The following MGST1 variants were observed in gnomAD, a reference collection of about 807,000 sequenced individuals.
MGST1 encodes microsomal glutathione S-transferase 1, also known as glutathione S-transferase 12.
Under a neutral mutation model 8.9 loss-of-function variants are expected in MGST1, and 5 were observed. The observed-to-expected ratio is 0.56, with a 90% CI of 0.29 to 1.19. The LOEUF (loss-of-function observed/expected upper bound fraction) is 1.19. Among genes scored for constraint, MGST1 ranks in the 50% most tolerant of loss-of-function variants. The pLI is 0.08. For missense variants in MGST1, 182 were observed against 187.4 expected, an observed-to-expected ratio of 0.97 and a Z score of 0.17; for synonymous variants, 54 against 67.8, an observed-to-expected ratio of 0.80 and a Z score of 1.00.
At chr12:16,376,354 C>A in exon 4 of MGST1, 3 of 404,760 alleles carry the variant, frequency 7.4e-6, no homozygotes, top group Non-Finnish European at 8.8e-6. Flanking sequence ...CGGGAAGTAC[C>A]CAATACCATC....
At chr12:16,553,867 G>GAA (rs75193044) in intron 4 of MGST1, among the ~76,000 whole-genome samples, 3 of 132,690 alleles carry the variant, frequency 2.3e-5, no homozygotes, top group African/African-American at 8.3e-5. Context: ...GCATTTGCAG[G>GAA]AAAAAAAAAA....
intron 1 of MGST1, among the ~76,000 whole-genome samples, chr12:16,398,436 G>A (rs1457399898): frequency 6.6e-6 from 1 of 152,154 alleles, no homozygotes; most frequent in Non-Finnish European, 1.5e-5. Context: ...ACTCCTCAGG[G>A]TATTCTAGGC....
At chr12:16,470,749 T>G (rs1468625668) in intron 4 of MGST1, among the ~76,000 whole-genome samples, 1 of 152,156 alleles carries the variant, frequency 6.6e-6, no homozygotes, top group Non-Finnish European at 1.5e-5. Flanking sequence ...TTGTGACATT[T>G]TAAAAAATTA....
intron 4 of MGST1, among the ~76,000 whole-genome samples, chr12:16,567,895 G>A (rs1007657870): frequency 2.0e-5 from 3 of 152,106 alleles, no homozygotes; most frequent in Admixed American, 6.5e-5. Context: ...CCTAAGATCC[G>A]CCAACCACTA....
rs566589681 is a variant in MGST1 at position 16,586,698 on chromosome 12, G to A, written n.483-2830G>A. On this transcript the variant is annotated intron_variant and non_coding_transcript_variant, in intron 4 of 4. Coordinates refer to the MGST1 transcript ENST00000538857. The surrounding 1 kb of genome is among the most constrained non-coding windows in gnomAD (Gnocchi z 4.3). ...AGAGATTTCAAGATACACATCTTTT[G>A]ACCCCCCATTGCAGTAGATGATGTT... Among the ~76,000 whole-genome samples the A allele has an allele frequency of 1.3e-5, 2 of 152,272 alleles. No individual in the cohort carries two copies. The highest frequency in any genetic ancestry group is 4.1e-4 in the South Asian group (2 of 4,830).
At chr12:16,472,174 A>G (rs1290349304) in intron 4 of MGST1, among the ~76,000 whole-genome samples, 2 of 152,174 alleles carry the variant, frequency 1.3e-5, no homozygotes, top group East Asian at 3.8e-4. Flanking sequence ...TTATAAGTGC[A>G]TAAAATTTGT....
chr12:16,551,291 G>T (rs760247878), intron 4 of MGST1: 2 of 1,612,504 alleles, frequency 1.2e-6, no homozygotes, highest in Non-Finnish European at 1.7e-6. Context: ...AAAGGATCAT[G>T]TTATTCTTTA....
At chr12:16,465,123 G>C (rs1366729523) in intron 4 of MGST1, among the ~76,000 whole-genome samples, 1 of 152,168 alleles carries the variant, frequency 6.6e-6, no homozygotes, top group Non-Finnish European at 1.5e-5. Context: ...ACTTAAATTT[G>C]AGTAATGGCA....
chr12:16,529,544 G>A (rs996209356), intron 4 of MGST1, among the ~76,000 whole-genome samples: 2 of 151,986 alleles, frequency 1.3e-5, no homozygotes, highest in Admixed American at 6.6e-5. Context: ...CTTTACAAAT[G>A]AAATGGGAAC....
chr12:16,419,187 A>G (rs1189382743), intron 1 of MGST1, among the ~76,000 whole-genome samples: 2 of 152,164 alleles, frequency 1.3e-5, no homozygotes, highest in Non-Finnish European at 2.9e-5. Context: ...TTAGGGATCT[A>G]ACCATGAATT....
rs1001382000 is a variant in MGST1 at position 16,369,905 on chromosome 12, G to C, written c.222-6217G>C. 3 of 152,214 alleles carry C rather than the reference G, an allele frequency of 2.0e-5. No homozygotes were observed. The highest frequency in any genetic ancestry group is 7.2e-5 in the African/African-American group (3 of 41,446). The allele number at this position is 152,214 out of a possible 1,614,324, so 9.4% of individuals were successfully genotyped here. A position where few individuals can be genotyped will look rare whatever the true frequency, so the allele number is the denominator to read the frequency against. On this transcript the variant is annotated intron_variant, in intron 3 of 3. Transcript: ENST00000535309. The surrounding 1 kb of genome is among the most constrained non-coding windows in gnomAD (Gnocchi z 4.8). Reference sequence around the variant, plus strand: ...AGAGAAAGTCACAGGGCTGGCCTCAGAACTAAAGTGCTGGGAAATGGACTC... The same window carrying C: ...AGAGAAAGTCACAGGGCTGGCCTCACAACTAAAGTGCTGGGAAATGGACTC...
At position 16,515,535 on chromosome 12, in the gene MGST1, C is replaced by T. The variant is rs896263773; in HGVS notation, n.483-73993C>T. On this transcript the variant is annotated intron_variant and non_coding_transcript_variant, in intron 4 of 4. Transcript: ENST00000538857. ...ATCCCAGCTACTCGGGAGGCTGAGG[C>T]AGGAGAATCGCTTGAACTGGGGAGG... Among the ~76,000 whole-genome samples the T allele has an allele frequency of 2.7e-5, 4 of 149,972 alleles. No individual in the cohort carries two copies. The South Asian group carries it at 6.3e-4, about 24-fold the overall frequency.
At chr12:16,355,903 G>A (rs926541225) in intron 2 of MGST1, among the ~76,000 whole-genome samples, 1 of 152,184 alleles carries the variant, frequency 6.6e-6, no homozygotes, top group African/African-American at 2.4e-5. Flanking sequence ...TTGTCTCACA[G>A]TTCTGGAGTC....
At chr12:16,504,118 T>C (rs1372596587) in intron 4 of MGST1, among the ~76,000 whole-genome samples, 1 of 152,094 alleles carries the variant, frequency 6.6e-6, no homozygotes, top group Non-Finnish European at 1.5e-5. Flanking sequence ...CTGCCTGCCC[T>C]GGGATTTGGA....
chr12:16,359,023 G>T (rs552255641), intron 3 of MGST1, among the ~76,000 whole-genome samples: 12 of 151,828 alleles, frequency 7.9e-5, no homozygotes, highest in African/African-American at 2.9e-4. Flanking sequence ...TTCTGCAATT[G>T]GTTATGCTGG....
chr12:16,358,463 AT>A (rs1478946519), intron 3 of MGST1, among the ~76,000 whole-genome samples: 5 of 149,700 alleles, frequency 3.3e-5, no homozygotes, highest in Non-Finnish European at 7.4e-5. Flanking sequence ...AAAGGACATG[AT>A]TTCATTCTTT....
intron 1 of MGST1, among the ~76,000 whole-genome samples, chr12:16,418,016 C>A (rs1296431808): frequency 6.6e-6 from 1 of 152,098 alleles, no homozygotes; most frequent in Non-Finnish European, 1.5e-5. Flanking sequence ...CTTCCATGCT[C>A]CTTGCTGTAG....
At chr12:16,516,126 C>T (rs780854745) in intron 4 of MGST1, among the ~76,000 whole-genome samples, 5 of 152,134 alleles carry the variant, frequency 3.3e-5, no homozygotes, top group Non-Finnish European at 5.9e-5. Context: ...GTTGTATGCC[C>T]ATGCTGACTC....
At chr12:16,491,846 C>T (rs1298276971) in intron 4 of MGST1, among the ~76,000 whole-genome samples, 1 of 151,774 alleles carries the variant, frequency 6.6e-6, no homozygotes, top group Admixed American at 6.6e-5. Flanking sequence ...ATACCTTTTT[C>T]CCGTTTCTAA....
Sources: gnomAD v4.1 joint callset for allele counts (sites outside exome capture counted in the v4.1 genomes callset) on GRCh38, gnomAD v4.1.1 for gene constraint, Gnocchi (gnomAD v3.1) non-coding constraint, MANE v1.5 for transcripts, NCBI Gene and HGNC (gene_info 2026-07-23, HGNC 2026-07-21) for gene names.